CFAP95: variants seen among roughly 807,000 people sequenced by gnomAD.
CFAP95 encodes cilia- and flagella-associated protein 95.
the CFAP95 span, among the ~76,000 whole-genome samples, chr9:69,857,558 T>C: frequency 3.3e-5 from 5 of 152,364 alleles, no homozygotes; most frequent in Admixed American, 1.3e-4. Context: ...GGAGTCTTGC[T>C]CTGCTGCCCA....
At chr9:69,874,328 A>G in the CFAP95 span, among the ~76,000 whole-genome samples, 3 of 152,074 alleles carry the variant, frequency 2.0e-5, no homozygotes, top group African/African-American at 7.2e-5. Flanking sequence ...TCTGTGAAAA[A>G]CCATACGGGA....
chr9:69,834,696 A>G, the CFAP95 span, among the ~76,000 whole-genome samples: 1 of 152,234 alleles, frequency 6.6e-6, no homozygotes, highest in Non-Finnish European at 1.5e-5. Context: ...CACTCAATAT[A>G]TGCTCAGTGG....
At chr9:69,825,117 T>C in the CFAP95 span, among the ~76,000 whole-genome samples, 6,946 of 152,284 alleles carry the variant, frequency 0.046, 511 homozygotes, top group African/African-American at 0.16. Flanking sequence ...TGTTTTATGA[T>C]AGATTAAATT....
chr9:69,846,263 A>T, the CFAP95 span, among the ~76,000 whole-genome samples: 15 of 152,080 alleles, frequency 9.9e-5, no homozygotes, highest in Non-Finnish European at 1.8e-4. Flanking sequence ...AGGTATAGGA[A>T]CCACAAACAT....
At chr9:69,826,562 G>A in the CFAP95 span, among the ~76,000 whole-genome samples, 1 of 152,130 alleles carries the variant, frequency 6.6e-6, no homozygotes, top group Non-Finnish European at 1.5e-5. Context: ...AAATCCACAA[G>A]GGCTTCTTTT....
At chr9:69,880,483 C>T in the CFAP95 span, among the ~76,000 whole-genome samples, 1 of 152,186 alleles carries the variant, frequency 6.6e-6, no homozygotes, top group Non-Finnish European at 1.5e-5. Flanking sequence ...TTGCAAAAGA[C>T]AGAATCTCAT....
At chr9:69,829,845 AC>A in the CFAP95 span, among the ~76,000 whole-genome samples, 1 of 152,124 alleles carries the variant, frequency 6.6e-6, no homozygotes, top group Non-Finnish European at 1.5e-5. Context: ...TGTTGAACAC[AC>A]TTCTCTGAGT....
At chr9:69,889,029 T>C in the CFAP95 span, among the ~76,000 whole-genome samples, 3 of 152,220 alleles carry the variant, frequency 2.0e-5, no homozygotes, top group Non-Finnish European at 4.4e-5. Flanking sequence ...TACCTAAATA[T>C]TTAGTATTAC....
the CFAP95 span, among the ~76,000 whole-genome samples, chr9:69,879,947 G>A: frequency 6.6e-6 from 1 of 151,760 alleles, no homozygotes; most frequent in Admixed American, 6.6e-5. Flanking sequence ...ACATCACACT[G>A]TATATACTTT....
the CFAP95 span, among the ~76,000 whole-genome samples, chr9:69,904,970 T>C: frequency 1.1e-3 from 162 of 152,336 alleles, no homozygotes; most frequent in Middle Eastern, 0.017. Context: ...AGTCGCTTAT[T>C]ACTGACTTTC....
chr9:69,887,958 C>T, the CFAP95 span, among the ~76,000 whole-genome samples: 2 of 152,164 alleles, frequency 1.3e-5, no homozygotes, highest in Admixed American at 1.3e-4. Context: ...CATCTGACTG[C>T]AACCCTTGAG....
chr9:69,843,270 C>T, the CFAP95 span, among the ~76,000 whole-genome samples: 2 of 151,848 alleles, frequency 1.3e-5, no homozygotes, highest in East Asian at 1.9e-4. Context: ...TTGAGTGTCC[C>T]CTAAACAATT....
chr9:69,837,695 G>C, the CFAP95 span, among the ~76,000 whole-genome samples: 1 of 152,202 alleles, frequency 6.6e-6, no homozygotes, highest in African/African-American at 2.4e-5. Flanking sequence ...TGTTCACTCT[G>C]ATGGTAGTTT....
the CFAP95 span, chr9:69,857,948 T>C: frequency 6.2e-7 from 1 of 1,614,106 alleles, no homozygotes; most frequent in Non-Finnish European, 8.5e-7. Flanking sequence ...GAGCTGTCTT[T>C]CCTAGACATC....
chr9:69,842,804 T>C, the CFAP95 span, among the ~76,000 whole-genome samples: 2 of 152,226 alleles, frequency 1.3e-5, no homozygotes, highest in Non-Finnish European at 2.9e-5. Context: ...TTTAGTGTTC[T>C]GCACTTTGAT....
At chr9:69,875,399 A>G in the CFAP95 span, among the ~76,000 whole-genome samples, 1 of 152,164 alleles carries the variant, frequency 6.6e-6, no homozygotes, top group Non-Finnish European at 1.5e-5. Context: ...GTTAATCTAT[A>G]TCTCTTTATA....
At chr9:69,902,327 C>T in the CFAP95 span, 1 of 454,834 alleles carries the variant, frequency 2.2e-6, no homozygotes, top group Non-Finnish European at 4.4e-6. Flanking sequence ...TTTTCTCTAC[C>T]CATTTGGAGA....
At chr9:69,822,551 TGACTCTGTTACCC>T in the CFAP95 span, among the ~76,000 whole-genome samples, 1 of 152,224 alleles carries the variant, frequency 6.6e-6, no homozygotes, top group Non-Finnish European at 1.5e-5. Flanking sequence ...AGCTCTTCTG[TGACTCTGTTACCC>T]CACAGAGATT....
the CFAP95 span, among the ~76,000 whole-genome samples, chr9:69,852,520 G>A: frequency 6.6e-6 from 1 of 152,150 alleles, no homozygotes; most frequent in African/African-American, 2.4e-5. Flanking sequence ...TTAAGGGGTA[G>A]GGGTGGGAAG....
Sources: allele counts gnomAD v4.1 joint callset (sites outside exome capture counted in the v4.1 genomes callset), GRCh38; gene constraint gnomAD v4.1.1; transcripts MANE v1.5; gene names NCBI Gene and HGNC (gene_info 2026-07-23, HGNC 2026-07-21).